Variants in STK39 observed in about 807,000 individuals in gnomAD.
The protein encoded by STK39 is STE20/SPS1-related proline-alanine-rich protein kinase.
In STK39, 20 loss-of-function variants were observed where a neutral mutation model predicts 77.8. That is an observed-to-expected ratio of 0.26 (90% CI 0.18 to 0.37). The LOEUF is 0.37. Among genes scored for constraint, STK39 ranks in the 10% least tolerant of loss-of-function variants. STK39 has a pLI of 1.00. For missense variants in STK39, 479 were observed against 656.5 expected (o/e 0.73, Z 2.95); for synonymous variants, 246 against 234.1 (o/e 1.05, Z -0.47).
chr2:168,084,271 A>C (rs1004099459), intron 10 of STK39, among the ~76,000 whole-genome samples: 2 of 152,226 alleles, frequency 1.3e-5, no homozygotes, highest in East Asian at 3.8e-4. Context: ...GGCCTGAAAG[A>C]AATCAGCATG....
At chr2:168,031,794 C>T (rs2105339575) in intron 14 of STK39, among the ~76,000 whole-genome samples, 1 of 152,318 alleles carries the variant, frequency 6.6e-6, no homozygotes, top group African/African-American at 2.4e-5. Flanking sequence ...AAAATAAACT[C>T]CTATTGTTTA....
intron 2 of STK39, among the ~76,000 whole-genome samples, chr2:168,180,342 G>A (rs1049858485): frequency 6.6e-6 from 1 of 151,652 alleles, no homozygotes; most frequent in African/African-American, 2.4e-5. Flanking sequence ...GTGAGACTCT[G>A]TCTCAAAAAA....
intron 17 of STK39, among the ~76,000 whole-genome samples, chr2:167,956,499 G>C (rs1390799835): frequency 6.6e-6 from 1 of 151,868 alleles, no homozygotes; most frequent in Admixed American, 6.5e-5. Context: ...GGGAGGCAGA[G>C]GTTGCAGTGA....
chr2:168,122,952 T>C (rs1687447119), intron 10 of STK39, among the ~76,000 whole-genome samples: 1 of 152,220 alleles, frequency 6.6e-6, no homozygotes, highest in Non-Finnish European at 1.5e-5. Flanking sequence ...GTGATACTTG[T>C]GTTTACAATA....
At chr2:168,001,641 T>C (rs1360208670) in intron 16 of STK39, among the ~76,000 whole-genome samples, 1 of 152,216 alleles carries the variant, frequency 6.6e-6, no homozygotes, top group Non-Finnish European at 1.5e-5. Context: ...TTTAGTTTTC[T>C]TCCTTAACTT....
intron 5 of STK39, among the ~76,000 whole-genome samples, chr2:168,144,641 AT>A (rs1553534599): frequency 0.16 from 24,369 of 149,008 alleles, 2,030 homozygotes; most frequent in East Asian, 0.25. Flanking sequence ...TATAAGACTC[AT>A]TTTTTTTTTT....
At chr2:168,086,962 C>T (rs547500089) in intron 10 of STK39, among the ~76,000 whole-genome samples, 5 of 152,284 alleles carry the variant, frequency 3.3e-5, no homozygotes, top group South Asian at 2.1e-4. Context: ...CTAAGAGCCA[C>T]GAAAGCAGAA....
intron 17 of STK39, among the ~76,000 whole-genome samples, chr2:167,960,001 GAGA>G (rs1039390694): frequency 6.6e-6 from 1 of 152,160 alleles, no homozygotes; most frequent in African/African-American, 2.4e-5. Context: ...CAAAGTGAAG[GAGA>G]AGTTCAGAAC....
intron 1 of STK39, among the ~76,000 whole-genome samples, chr2:168,246,941 G>A (rs1361899094): frequency 6.6e-6 from 1 of 151,840 alleles, no homozygotes; most frequent in African/African-American, 2.4e-5. Context: ...CCGCTCCACC[G>A]CCCCGGCGAT....
chr2:168,247,538 T>TCCC lies in STK39; in HGVS notation c.-106_-104dup. ...GACACCTCTCGGCCGGCGCACGCCC[T>TCCC]CCCCGCCCGCCGCCGCCGCCGCCGT... On this transcript the variant is annotated 5_prime_UTR_variant, in exon 1 of 18. Transcript: ENST00000355999. 2.8e-6 allele frequency: 1 copy of TCCC among 357,886 alleles called. No individual in the cohort carries two copies. Among genetic ancestry groups the TCCC allele is most frequent in the South Asian group, 5.3e-5 (1 of 18,906 alleles). 22.2% of individuals were successfully genotyped at this position (357,886 alleles called of 1,614,324 possible).
At position 168,247,468 on chromosome 2, in the gene STK39, G is replaced by A; in HGVS notation, c.-33C>T. The A allele has an allele frequency of 3.8e-6, 5 of 1,299,846 alleles. No homozygotes were observed. The highest frequency in any genetic ancestry group is 1.5e-5 in the African/African-American group (1 of 64,776). The allele number at this position is 1,299,846 out of a possible 1,614,324, so 80.5% of individuals were successfully genotyped here. On this transcript the variant is annotated 5_prime_UTR_variant, in exon 1 of 18. Coordinates refer to ENST00000355999, the MANE Select transcript of STK39 (RefSeq NM_013233.3). Reference sequence around the variant, plus strand: ...CGGAGGAGAGCAGGAGGACGCGCCGGCCGACGGACGACCTTCCACTTGAAA... The same window carrying A: ...CGGAGGAGAGCAGGAGGACGCGCCGACCGACGGACGACCTTCCACTTGAAA...
chr2:168,187,155 A>T (rs539359395), intron 1 of STK39, among the ~76,000 whole-genome samples: 15 of 152,274 alleles, frequency 9.9e-5, no homozygotes, highest in South Asian at 2.1e-4. Context: ...ATTTGAGACC[A>T]GCCTGACCAG....
intron 16 of STK39, among the ~76,000 whole-genome samples, chr2:168,009,192 A>G (rs1684207279): frequency 6.6e-6 from 1 of 152,128 alleles, no homozygotes. Context: ...GGTGGGGTAA[A>G]GACAGGGCTT....
At chr2:168,123,425 T>C (rs1687458476) in intron 10 of STK39, among the ~76,000 whole-genome samples, 1 of 152,214 alleles carries the variant, frequency 6.6e-6, no homozygotes, top group Non-Finnish European at 1.5e-5. Flanking sequence ...TTTTAGGAAA[T>C]ATACAGTGAA....
intron 16 of STK39, among the ~76,000 whole-genome samples, chr2:168,011,556 G>A (rs570982300): frequency 6.6e-6 from 1 of 152,256 alleles, no homozygotes; most frequent in African/African-American, 2.4e-5. Context: ...TTGCTGAAGA[G>A]CATGGAGCTA....
chr2:168,036,226 A>G (rs1390121660), intron 14 of STK39, among the ~76,000 whole-genome samples: 5 of 152,170 alleles, frequency 3.3e-5, no homozygotes, highest in African/African-American at 1.2e-4. Flanking sequence ...TACAGGGAAA[A>G]AAAAAAAACT....
intron 1 of STK39, among the ~76,000 whole-genome samples, chr2:168,242,284 C>T (rs1411405129): frequency 2.6e-5 from 4 of 151,752 alleles, no homozygotes; most frequent in Admixed American, 6.6e-5. Flanking sequence ...CAAAAGAGGC[C>T]GGGCACAGTG....
At chr2:168,095,423 A>C (rs1359095770) in intron 10 of STK39, among the ~76,000 whole-genome samples, 1 of 152,088 alleles carries the variant, frequency 6.6e-6, no homozygotes, top group East Asian at 1.9e-4. Context: ...CTAAGGAAAG[A>C]CCTCCAAAGA....
chr2:168,133,652 G>A (rs962673472), intron 8 of STK39, among the ~76,000 whole-genome samples: 2 of 152,164 alleles, frequency 1.3e-5, no homozygotes, highest in African/African-American at 4.8e-5. Context: ...GAGGTCAGGA[G>A]TTCAAGAACA....
Sources: allele counts gnomAD v4.1 joint callset (sites outside exome capture counted in the v4.1 genomes callset), GRCh38; gene constraint gnomAD v4.1.1; transcripts MANE v1.5; gene names NCBI Gene and HGNC (gene_info 2026-07-23, HGNC 2026-07-21).